KRT78: variants seen among roughly 807,000 people sequenced by gnomAD.
KRT78 encodes keratin, type II cytoskeletal 78.
A neutral mutation model predicts 51.4 loss-of-function variants in KRT78; 55 were observed. The ratio of observed to expected loss-of-function variants is 1.07; its 90% CI spans 0.86 to 1.34. The LOEUF is 1.34. Among genes scored for constraint, KRT78 ranks in the 40% most tolerant of loss-of-function variants. The pLI, the probability that KRT78 is intolerant of heterozygous loss-of-function variation, is 0.00. For synonymous variants in KRT78, 291 were observed against 264.3 expected (o/e 1.10, Z -0.98); for missense variants, 652 against 649.4 (o/e 1.00, Z -0.04).
At position 52,839,248 on chromosome 12, in the gene KRT78, G is replaced by A; in HGVS notation, c.1428C>T (p.Ser476=). ...CCTTCCCAGAGCCCAGAATGATGTT[G>A]GAGCCTCCAGTCACAATGCTGGTGC... ...SCCTSIVTGG[S]NIILGSGKDP... Residue 476 remains serine, a synonymous_variant, in exon 9 of 9, where the codon TCC becomes TCT. Transcript: ENST00000304620. The A allele has an allele frequency of 6.2e-7, 1 of 1,611,928 alleles. No homozygotes were observed. Among genetic ancestry groups the A allele is most frequent in the Non-Finnish European group, 8.5e-7 (1 of 1,179,158 alleles).
intron 2 of KRT78, among the ~76,000 whole-genome samples, chr12:52,847,651 TG>T (rs1940672884): frequency 2.0e-5 from 3 of 152,224 alleles, no homozygotes; most frequent in Admixed American, 2.0e-4. Flanking sequence ...CCCTTGTAGC[TG>T]GGGCATGTAG....
In KRT78 at chr12:52,839,501, G is replaced by A; in HGVS notation, c.1269-14C>T. 6.3e-7 allele frequency: 1 copy of A among 1,578,868 alleles called. No homozygotes were observed. The highest frequency in any genetic ancestry group is 8.6e-7 in the Non-Finnish European group (1 of 1,162,878). On this transcript the variant is annotated splice_polypyrimidine_tract_variant and intron_variant, in intron 7 of 8. Coordinates refer to ENST00000304620, the MANE Select transcript of KRT78 (RefSeq NM_173352.4). ...TCCCCAGACATCCTAGGGGGAAAAG[G>A]ACAAGAGGGGGATGCGCTAAGGAAT...
chr12:52,841,332 A>T (rs906572533), intron 6 of KRT78, among the ~76,000 whole-genome samples: 1 of 151,852 alleles, frequency 6.6e-6, no homozygotes, highest in Non-Finnish European at 1.5e-5. Flanking sequence ...AAATAAAAAA[A>T]AAAAATTAGC....
Position 52,840,295 on chromosome 12 carries a change from G to A in KRT78, c.1048-311C>T, listed in dbSNP as rs1458770003. ...GTCTTTACAGATATAATTAATTAAG[G>A]ATCTCATGATCATATCGTACCATAT... On this transcript the variant is annotated intron_variant, in intron 6 of 8. Coordinates refer to ENST00000304620, the MANE Select transcript of KRT78 (RefSeq NM_173352.4). Among the ~76,000 whole-genome samples the A allele has an allele frequency of 2.0e-5, 3 of 151,978 alleles. No individual in the cohort carries two copies. The South Asian group carries it at 6.2e-4, about 32-fold the overall frequency.
intron 3 of KRT78, among the ~76,000 whole-genome samples, 165 bp downstream of exon 3, chr12:52,846,599 C>A (rs967002276): frequency 8.6e-5 from 13 of 151,434 alleles, no homozygotes; most frequent in Admixed American, 8.1e-4. Context: ...TGCCTTGGGG[C>A]CCCTGTGTCT....
intron 4 of KRT78, among the ~76,000 whole-genome samples, chr12:52,845,644 A>G (rs2120420062): frequency 6.6e-6 from 1 of 152,100 alleles, no homozygotes; most frequent in South Asian, 2.1e-4. Flanking sequence ...TCTGTTGCTT[A>G]TTGTCTGTCT....
chr12:52,847,592 T>G (rs1251955720), intron 2 of KRT78, among the ~76,000 whole-genome samples: 1 of 152,214 alleles, frequency 6.6e-6, no homozygotes, highest in Non-Finnish European at 1.5e-5. Context: ...AAAAAGCCAC[T>G]GGGGCATTGT....
chr12:52,848,690 C>A lies in KRT78; in HGVS notation c.241G>T (p.Gly81Trp). 1.9e-6 allele frequency: 3 copies of A among 1,613,398 alleles called. No individual in the cohort carries two copies. The highest frequency in any genetic ancestry group is 2.5e-6 in the Non-Finnish European group (3 of 1,179,614). ...GGPGLSLCPP[G>W]GIQEVTINQN... is the part of the protein sequence containing the mutation. The stretch of plus-strand genomic sequence containing the variant: ...TTGATGGTCACTTCTTGGATGCCCC[C>A]CGGAGGGCACAGGGAGAGCCCAGGC... The change falls in exon 1 of 9, where the codon GGG (glycine) becomes TGG (tryptophan). Residue 81 changes from glycine (G) to tryptophan (W), a missense_variant. By Grantham distance (184) the Gly-to-Trp change is radical. Transcript: ENST00000304620.
chr12:52,844,827 C>A (rs1253666935), intron 4 of KRT78, 104 bp from the exon 5 acceptor site: 4 of 1,124,462 alleles, frequency 3.6e-6, no homozygotes, highest in East Asian at 5.0e-5. Flanking sequence ...CATGCCATGA[C>A]CCCCATTCAT....
intron 1 of KRT78, 191 bp downstream of exon 1, chr12:52,848,356 C>T (rs1235538555): frequency 2.8e-6 from 4 of 1,432,844 alleles, no homozygotes; most frequent in Non-Finnish European, 2.8e-6. Context: ...TGTCCCTGAG[C>T]CCCAATCATG....
intron 6 of KRT78, among the ~76,000 whole-genome samples, chr12:52,842,962 G>GAGAGAGAGAGA (rs1565698736): frequency 1.2e-4 from 3 of 25,222 alleles, no homozygotes; most frequent in African/African-American, 5.6e-4. Context: ...AGAGAGAGAG[G>GAGAGAGAGAGA]AAGGAAGGAA....
chr12:52,844,077 G>A lies in KRT78; in HGVS notation c.1047+16C>T, dbSNP rs777025453. On this transcript the variant is annotated intron_variant, in intron 6 of 8. Coordinates refer to ENST00000304620, the MANE Select transcript of KRT78 (RefSeq NM_173352.4). ...AAAGGCAATGAGAGGACATTTGGGGGTCTCTGGGAATCTACCTGCTTCTTG... is the reference window on the plus strand; with the variant it reads ...AAAGGCAATGAGAGGACATTTGGGGATCTCTGGGAATCTACCTGCTTCTTG... 6.2e-6 allele frequency: 10 copies of A among 1,611,928 alleles called. No individual in the cohort carries two copies. Among genetic ancestry groups the A allele is most frequent in the Non-Finnish European group, 8.5e-6 (10 of 1,179,262 alleles).
chr12:52,842,291 C>T (rs1189653669), intron 6 of KRT78, among the ~76,000 whole-genome samples: 1 of 152,164 alleles, frequency 6.6e-6, no homozygotes, highest in Non-Finnish European at 1.5e-5. Context: ...CTCCATCCTC[C>T]ATTGACACCC....
chr12:52,846,073 A>T (rs769394064), intron 4 of KRT78, 124 bp downstream of exon 4: 35 of 644,184 alleles, frequency 5.4e-5, no homozygotes, highest in Non-Finnish European at 8.9e-5. Context: ...CAAGTGACTG[A>T]ATGACCCAGA....
At chr12:52,845,784 T>A (rs1324322998) in intron 4 of KRT78, among the ~76,000 whole-genome samples, 4 of 152,026 alleles carry the variant, frequency 2.6e-5, no homozygotes, top group African/African-American at 9.7e-5. Flanking sequence ...TGAAACCCCA[T>A]CTCTACTAAA....
intron 6 of KRT78, among the ~76,000 whole-genome samples, chr12:52,841,090 G>A (rs1412633984): frequency 6.6e-6 from 1 of 152,132 alleles, no homozygotes; most frequent in East Asian, 1.9e-4. Context: ...CTCCCCCTGA[G>A]GGTCACAATG....
At chr12:52,842,138 T>C (rs1465274338) in intron 6 of KRT78, among the ~76,000 whole-genome samples, 1 of 145,764 alleles carries the variant, frequency 6.9e-6, no homozygotes, top group Non-Finnish European at 1.5e-5. Flanking sequence ...CTGCTTCTCA[T>C]TGCAAACAAG....
chr12:52,848,853 G>C lies in KRT78; in HGVS notation c.78C>G (p.Ser26Arg), dbSNP rs1940714482. The change falls in exon 1 of 9, where the codon AGC becomes AGG. Residue 26 changes from serine to arginine, a missense_variant. By Grantham distance (110) the Ser-to-Arg change is moderately radical (BLOSUM62 -1). Coordinates refer to ENST00000304620, the MANE Select transcript of KRT78 (RefSeq NM_173352.4). ...SACSARSRGR[S>R]RGGFSSRGGF... ...CGCCCCTGCTGCTGAAGCCTCCCCT[G>C]CTGCGGCCCCTTGAGCGAGCAGAAC... is the stretch of plus-strand genomic sequence containing the variant. 2.5e-6 allele frequency: 4 copies of C among 1,612,724 alleles called. No individual in the cohort carries two copies. The highest frequency in any genetic ancestry group is 3.4e-6 in the Non-Finnish European group (4 of 1,179,620).
chr12:52,844,468 C>G, intron 5 of KRT78, 91 bp downstream of exon 5: 1 of 1,473,278 alleles, frequency 6.8e-7, no homozygotes, highest in Non-Finnish European at 9.3e-7. Flanking sequence ...CTGGAACTGC[C>G]CCAATGGGAT....
Sources: gnomAD v4.1 joint callset for allele counts (sites outside exome capture counted in the v4.1 genomes callset) on GRCh38, gnomAD v4.1.1 for gene constraint, MANE v1.5 for transcripts, NCBI Gene and HGNC (gene_info 2026-07-23, HGNC 2026-07-21) for gene names.